The following GALNT13 variants were observed in gnomAD, a reference collection of about 807,000 sequenced individuals.
GALNT13 encodes the protein polypeptide N-acetylgalactosaminyltransferase 13.
In GALNT13, 28 loss-of-function variants were observed where a neutral mutation model predicts 64.2. That is an observed-to-expected ratio of 0.44 (90% CI 0.32 to 0.60). GALNT13 has a LOEUF of 0.60. GALNT13 is among the 20% of genes least tolerant of loss of function. GALNT13 has a pLI of 0.05. For synonymous variants in GALNT13, 214 were observed against 224.6 expected (o/e 0.95, Z 0.42); for missense variants, 577 against 669.8 (o/e 0.86, Z 1.53).
the GALNT13 span, among the ~76,000 whole-genome samples, chr2:153,107,348 C>T: frequency 3.9e-5 from 6 of 151,996 alleles, no homozygotes; most frequent in Admixed American, 6.6e-5. Context: ...AAAGGAACAC[C>T]CATGATGTAT....
At chr2:154,268,568 T>A (rs1054845357) in intron 8 of GALNT13, among the ~76,000 whole-genome samples, 4 of 152,156 alleles carry the variant, frequency 2.6e-5, no homozygotes, top group Non-Finnish European at 5.9e-5. Context: ...TATATGCAGT[T>A]CATTATATGT....
intron 4 of GALNT13, 38 bp from the exon 5 acceptor site, chr2:154,241,992 T>C: frequency 7.4e-7 from 1 of 1,348,234 alleles, no homozygotes. Flanking sequence ...GGATAAAAAA[T>C]GCATTTATTA....
At chr2:154,248,452 T>C (rs899373313) in intron 7 of GALNT13, among the ~76,000 whole-genome samples, 1 of 152,148 alleles carries the variant, frequency 6.6e-6, no homozygotes, top group African/African-American at 2.4e-5. Flanking sequence ...TGACATTTAA[T>C]AATCAAATTA....
At chr2:153,255,950 G>T in the GALNT13 span, among the ~76,000 whole-genome samples, 2 of 152,086 alleles carry the variant, frequency 1.3e-5, no homozygotes, top group Admixed American at 1.3e-4. Flanking sequence ...GTGTCTTGGA[G>T]TTGCTCTTCT....
the GALNT13 span, among the ~76,000 whole-genome samples, chr2:153,359,888 A>G: frequency 2.0e-5 from 3 of 152,192 alleles, no homozygotes; most frequent in East Asian, 5.8e-4. Flanking sequence ...TTGAAATACG[A>G]GAAATGAAAA....
chr2:153,120,242 A>G, the GALNT13 span, among the ~76,000 whole-genome samples: 2 of 152,178 alleles, frequency 1.3e-5, no homozygotes, highest in East Asian at 3.9e-4. Flanking sequence ...AACTACCTCA[A>G]CACACACAAG....
chr2:153,641,621 T>C, the GALNT13 span, among the ~76,000 whole-genome samples: 1 of 152,222 alleles, frequency 6.6e-6, no homozygotes, highest in African/African-American at 2.4e-5. Flanking sequence ...GTTAAATGAT[T>C]ATACTTACTG....
chr2:153,415,394 T>C, the GALNT13 span, among the ~76,000 whole-genome samples: 2 of 152,188 alleles, frequency 1.3e-5, no homozygotes, highest in Admixed American at 1.3e-4. Flanking sequence ...TTAGGTGGCA[T>C]AACTCCTTGT....
the GALNT13 span, among the ~76,000 whole-genome samples, chr2:153,589,101 C>G: frequency 1.3e-5 from 2 of 151,860 alleles, no homozygotes; most frequent in Non-Finnish European, 2.9e-5. Flanking sequence ...TGCCATTGCA[C>G]TCCAGCCTGG....
At chr2:153,876,913 A>G (rs1686421231) in intron 1 of GALNT13, among the ~76,000 whole-genome samples, 1 of 152,124 alleles carries the variant, frequency 6.6e-6, no homozygotes, top group African/African-American at 2.4e-5. Context: ...ACTTCATTCA[A>G]TGTCCACGTA....
the GALNT13 span, among the ~76,000 whole-genome samples, chr2:153,390,130 C>T: frequency 4.6e-5 from 7 of 152,064 alleles, no homozygotes; most frequent in African/African-American, 1.7e-4. Flanking sequence ...ACTATGCAGC[C>T]ATAAAATAGG....
rs1364011628 is a variant in GALNT13, at chr2:154,110,376, GAC to G, written c.143-29959_143-29958del. On this transcript the variant is annotated intron_variant, in intron 3 of 12. Coordinates refer to ENST00000392825, the MANE Select transcript of GALNT13 (RefSeq NM_052917.4). ...AGAGAGAGAGAGAGAGAGAGAGAGA[GAC>G]AGAGAGAGAGAGAGAGAGAGAGACA... is the stretch of plus-strand genomic sequence containing the variant. Among the ~76,000 whole-genome samples the G allele has an allele frequency of 0.02, 1,701 of 86,378 alleles. 47 individuals carry two copies. In the East Asian group the frequency reaches 0.31, roughly 16 times the overall value. The allele number at this position is 86,378 out of a possible 152,430, so 56.7% of individuals were successfully genotyped here. A position where few individuals can be genotyped will look rare whatever the true frequency, so the allele number is the denominator to read the frequency against.
At chr2:153,167,508 A>G in the GALNT13 span, among the ~76,000 whole-genome samples, 5 of 152,194 alleles carry the variant, frequency 3.3e-5, no homozygotes, top group South Asian at 4.1e-4. Context: ...AATTCTGTCA[A>G]TGACACAACT....
the GALNT13 span, among the ~76,000 whole-genome samples, chr2:153,663,411 A>T: frequency 6.6e-6 from 1 of 152,190 alleles, no homozygotes; most frequent in Non-Finnish European, 1.5e-5. Flanking sequence ...CTTCCTTGTA[A>T]TGGTCGATAA....
At chr2:154,126,792 A>C (rs1030668447) in intron 3 of GALNT13, among the ~76,000 whole-genome samples, 4 of 152,176 alleles carry the variant, frequency 2.6e-5, no homozygotes, top group African/African-American at 9.7e-5. Flanking sequence ...CTTAACATGC[A>C]ATGCATGTAC....
chr2:153,887,665 T>C (rs1687278699), intron 1 of GALNT13, among the ~76,000 whole-genome samples: 1 of 152,000 alleles, frequency 6.6e-6, no homozygotes, highest in Non-Finnish European at 1.5e-5. Flanking sequence ...AGAACAAGGT[T>C]GATATCTTCT....
chr2:154,080,963 C>T (rs1344942597), intron 3 of GALNT13, among the ~76,000 whole-genome samples: 2 of 151,372 alleles, frequency 1.3e-5, no homozygotes, highest in African/African-American at 4.8e-5. Flanking sequence ...TTTTTCATGG[C>T]CTGTAGCATA....
At chr2:154,326,582 C>T (rs1454460758) in intron 9 of GALNT13, among the ~76,000 whole-genome samples, 1 of 152,006 alleles carries the variant, frequency 6.6e-6, no homozygotes, top group Non-Finnish European at 1.5e-5. Flanking sequence ...TGAATATTTG[C>T]TAAAACAGCC....
intron 3 of GALNT13, among the ~76,000 whole-genome samples, chr2:153,945,040 C>T (rs894814638): frequency 1.3e-5 from 2 of 152,238 alleles, no homozygotes; most frequent in Non-Finnish European, 1.5e-5. Context: ...TTTTAGCAAA[C>T]GAACTGTGCA....
Sources: gnomAD v4.1 joint callset for allele counts (sites outside exome capture counted in the v4.1 genomes callset) on GRCh38, gnomAD v4.1.1 for gene constraint, MANE v1.5 for transcripts, NCBI Gene and HGNC (gene_info 2026-07-23, HGNC 2026-07-21) for gene names.